Variants in UBE3C observed in about 807,000 individuals in gnomAD.
UBE3C encodes the protein ubiquitin-protein ligase E3C.
In UBE3C, 42 loss-of-function variants were observed where a neutral mutation model predicts 129.4. That is an observed-to-expected ratio of 0.32 (90% CI 0.25 to 0.42). UBE3C has a LOEUF of 0.42. UBE3C is among the 10% of genes least tolerant of loss of function. The pLI, the probability that UBE3C is intolerant of heterozygous loss-of-function variation, is 1.00. For synonymous variants in UBE3C, 510 were observed against 492.4 expected, an observed-to-expected ratio of 1.04 and a Z score of -0.47; for missense variants, 1,049 against 1,319.1, an observed-to-expected ratio of 0.80 and a Z score of 3.17.
rs1420169516 is a variant in UBE3C, at chr7:157,232,721, G to A, written c.2481+1394G>A. Among the ~76,000 whole-genome samples, 3 of 152,188 alleles carry A rather than the reference G, an allele frequency of 2.0e-5. No individual in the cohort carries two copies. The East Asian group carries it at 5.8e-4, about 29-fold the overall frequency. On this transcript the variant is annotated intron_variant, in intron 18 of 22. Transcript: ENST00000348165. ...GTGATTAATTTCTGTAAGAATCAGA[G>A]CTATAATCATTTTCAACTTTGTAAT... is the stretch of plus-strand genomic sequence containing the variant.
chr7:157,154,193 C>T (rs977524290), intron 1 of UBE3C, among the ~76,000 whole-genome samples: 2 of 151,634 alleles, frequency 1.3e-5, no homozygotes, highest in African/African-American at 4.9e-5. Flanking sequence ...TGGTGGCAGG[C>T]GGCTGTAATC....
intron 10 of UBE3C, among the ~76,000 whole-genome samples, chr7:157,187,608 T>A (rs1239739449): frequency 6.6e-6 from 1 of 151,590 alleles, no homozygotes; most frequent in East Asian, 1.9e-4. Context: ...GATGGAGTCT[T>A]GCTGTTGCCC....
At chr7:157,265,482 C>T (rs190836663) in intron 22 of UBE3C, among the ~76,000 whole-genome samples, 4 of 152,332 alleles carry the variant, frequency 2.6e-5, no homozygotes, top group East Asian at 1.9e-4. Context: ...ATCCCTAACA[C>T]GGTTTTTGCC....
intron 10 of UBE3C, among the ~76,000 whole-genome samples, chr7:157,190,057 T>C (rs574856128): frequency 6.6e-6 from 1 of 152,282 alleles, no homozygotes; most frequent in Non-Finnish European, 1.5e-5. Context: ...GCCTCAGCTT[T>C]CCAAAGTGCT....
At chr7:157,141,758 C>A (rs930545781) in intron 1 of UBE3C, among the ~76,000 whole-genome samples, 1 of 152,236 alleles carries the variant, frequency 6.6e-6, no homozygotes, top group African/African-American at 2.4e-5. Context: ...ACTTCAGGGG[C>A]ATGGAGCCAC....
chr7:157,253,865 A>G (rs935717123), intron 19 of UBE3C, 89 bp from the exon 20 acceptor site: 9 of 1,278,098 alleles, frequency 7.0e-6, no homozygotes, highest in South Asian at 1.5e-5. Flanking sequence ...ATCAAGTCCT[A>G]TTTCCTTAAA....
At chr7:157,252,934 G>A (rs1796655376) in intron 19 of UBE3C, among the ~76,000 whole-genome samples, 2 of 152,274 alleles carry the variant, frequency 1.3e-5, no homozygotes, top group African/African-American at 2.4e-5. Flanking sequence ...AATACAGGTG[G>A]GGGTCTTGCT....
intron 18 of UBE3C, among the ~76,000 whole-genome samples, chr7:157,242,757 G>GA (rs1462705487): frequency 1.3e-5 from 2 of 151,840 alleles, no homozygotes; most frequent in Non-Finnish European, 2.9e-5. Context: ...AGAAGTCGAG[G>GA]AAAAAAAGGA....
chr7:157,180,670 A>G (rs1411641409), intron 6 of UBE3C, among the ~76,000 whole-genome samples: 1 of 152,258 alleles, frequency 6.6e-6, no homozygotes, highest in African/African-American at 2.4e-5. Flanking sequence ...GAAAGAATAT[A>G]TGATTTGGAT....
rs1187983223 is a variant in UBE3C at position 157,175,026 on chromosome 7, CTGT to C, written c.453_455del (p.Cys152del). 3.1e-6 allele frequency: 5 copies of C among 1,609,676 alleles called. No individual in the cohort carries two copies. The highest frequency in any genetic ancestry group is 4.2e-6 in the Non-Finnish European group (5 of 1,178,354). ...TTCAGATAAAAAGATTGATGAGCCT[CTGT>C]TGCAGGTAAAATTCTATTGTAAGTC... On this transcript the variant is annotated inframe_deletion, in exon 5 of 23. Transcript: ENST00000348165.
intron 18 of UBE3C, among the ~76,000 whole-genome samples, chr7:157,242,363 AT>A (rs1422540369): frequency 6.6e-6 from 1 of 152,152 alleles, no homozygotes; most frequent in Non-Finnish European, 1.5e-5. Flanking sequence ...TTGTCCTCAA[AT>A]TTCTCAAGAG....
At chr7:157,260,872 A>G (rs1460551633) in intron 22 of UBE3C, among the ~76,000 whole-genome samples, 5 of 152,220 alleles carry the variant, frequency 3.3e-5, no homozygotes, top group Admixed American at 6.5e-5. Context: ...AAGAGCCAGC[A>G]ATAACGTGTG....
At position 157,198,599 on chromosome 7, in the gene UBE3C, A is replaced by G. The variant is rs1809190273; in HGVS notation, c.1332-3122A>G. ...ACCCAGGCTGAAGTGCAGTGGCGCC[A>G]TCTCGGCTCACTGCAACCTCCACCT... On this transcript the variant is annotated intron_variant, in intron 10 of 22. Coordinates refer to ENST00000348165, the MANE Select transcript of UBE3C (RefSeq NM_014671.3). 4 of 258,420 alleles carry G rather than the reference A, an allele frequency of 1.5e-5. 1 individual carries two copies. The highest frequency in any genetic ancestry group is 3.0e-5 in the Non-Finnish European group (4 of 133,730). The allele number at this position is 258,420 out of a possible 1,614,324, so 16.0% of individuals were successfully genotyped here.
At chr7:157,158,624 A>G (rs1248550335) in intron 1 of UBE3C, among the ~76,000 whole-genome samples, 1 of 152,222 alleles carries the variant, frequency 6.6e-6, no homozygotes, top group Non-Finnish European at 1.5e-5. Context: ...ATAGGGACAA[A>G]TACATTGAGC....
chr7:157,219,436 G>A (rs1446090772), intron 14 of UBE3C, among the ~76,000 whole-genome samples: 1 of 152,096 alleles, frequency 6.6e-6, no homozygotes, highest in Non-Finnish European at 1.5e-5. Flanking sequence ...ACACCACCTA[G>A]GAAACGTTCT....
chr7:157,267,840 C>A lies in UBE3C; in HGVS notation c.*85C>A. The A allele has an allele frequency of 8.2e-7, 1 of 1,217,166 alleles. No homozygotes were observed. Among genetic ancestry groups the A allele is most frequent in the Admixed American group, 2.8e-5 (1 of 36,354 alleles). 75.4% of individuals were successfully genotyped at this position (1,217,166 alleles called of 1,614,324 possible). ...CCCCAGACCCACGAGGATACTCACACTGCACGCCTGAGGCTCTCCTAAGCT... is the reference window on the plus strand; with the variant it reads ...CCCCAGACCCACGAGGATACTCACAATGCACGCCTGAGGCTCTCCTAAGCT... On this transcript the variant is annotated 3_prime_UTR_variant, in exon 23 of 23. Transcript: ENST00000348165.
At chr7:157,229,410 G>A (rs1327511324) in intron 17 of UBE3C, among the ~76,000 whole-genome samples, 1 of 152,040 alleles carries the variant, frequency 6.6e-6, no homozygotes, top group African/African-American at 2.4e-5. Context: ...CACCTCCTGG[G>A]TTCAAGCGAT....
chr7:157,243,133 G>A (rs3779596), intron 18 of UBE3C, among the ~76,000 whole-genome samples: 26,996 of 152,150 alleles, frequency 0.18, 2,602 homozygotes, highest in East Asian at 0.33. Context: ...CCACTATGAG[G>A]AAAATAGGAC....
intron 13 of UBE3C, among the ~76,000 whole-genome samples, chr7:157,211,159 A>G (rs1014433855): frequency 4.0e-5 from 6 of 148,226 alleles, no homozygotes; most frequent in African/African-American, 1.5e-4. Context: ...CTCATTATCC[A>G]TATGTCTGGA....
Sources: allele counts gnomAD v4.1 joint callset (sites outside exome capture counted in the v4.1 genomes callset), GRCh38; gene constraint gnomAD v4.1.1; transcripts MANE v1.5; gene names NCBI Gene and HGNC (gene_info 2026-07-23, HGNC 2026-07-21).